Variants in RNF150 observed in about 807,000 individuals in gnomAD.
RNF150 encodes the protein ring finger protein 150.
Under a neutral mutation model 39.3 loss-of-function variants are expected in RNF150, and 24 were observed. That is an observed-to-expected ratio of 0.61 (90% CI 0.44 to 0.86). The LOEUF (loss-of-function observed/expected upper bound fraction) is 0.86. Ranked by LOEUF, RNF150 falls within the 40% of genes least tolerant of loss-of-function variation. RNF150 has a pLI of 0.00. For missense variants in RNF150, 502 were observed against 587.8 expected, an observed-to-expected ratio of 0.85 and a Z score of 1.51; for synonymous variants, 255 against 227.3, an observed-to-expected ratio of 1.12 and a Z score of -1.10.
chr4:141,156,736 A>AAG (rs1462219754), intron 1 of RNF150, among the ~76,000 whole-genome samples: 1 of 147,296 alleles, frequency 6.8e-6, no homozygotes, highest in Admixed American at 6.7e-5. Context: ...TCTACTACTA[A>AAG]AAAAAAAAAA....
rs1252778307 is a variant in RNF150, at chr4:140,865,815, G to A, written c.*2446C>T. ...GAAGAGAAAATACTCGTTAATCAGAGGACTAAACAATCCAAAGCGCATTCT... is the reference window on the plus strand; with the variant it reads ...GAAGAGAAAATACTCGTTAATCAGAAGACTAAACAATCCAAAGCGCATTCT... On this transcript the variant is annotated 3_prime_UTR_variant, in exon 7 of 7. Transcript: ENST00000515673. 6.6e-6 allele frequency: 1 copy of A among 152,412 alleles called. No homozygotes were observed. Among genetic ancestry groups the A allele is most frequent in the East Asian group, 1.9e-4 (1 of 5,190 alleles). The allele number at this position is 152,412 out of a possible 1,614,324, so 9.4% of individuals were successfully genotyped here.
intron 1 of RNF150, among the ~76,000 whole-genome samples, chr4:141,030,916 A>C (rs1735919193): frequency 6.6e-6 from 1 of 152,126 alleles, no homozygotes; most frequent in Non-Finnish European, 1.5e-5. Context: ...ACAGTATTAA[A>C]ATGTACACTT....
At chr4:140,909,490 C>G (rs1288242911) in intron 6 of RNF150, among the ~76,000 whole-genome samples, 1 of 151,918 alleles carries the variant, frequency 6.6e-6, no homozygotes, top group African/African-American at 2.4e-5. Context: ...ACTTCTTGAG[C>G]CACTTTATTT....
At chr4:140,932,412 TTC>T (rs1731683548) in intron 4 of RNF150, among the ~76,000 whole-genome samples, 1 of 152,208 alleles carries the variant, frequency 6.6e-6, no homozygotes, top group South Asian at 2.1e-4. Context: ...AAATTATTAT[TTC>T]TGTCTTATGG....
At chr4:140,881,758 G>T (rs1015591897) in intron 6 of RNF150, among the ~76,000 whole-genome samples, 3 of 152,084 alleles carry the variant, frequency 2.0e-5, no homozygotes, top group African/African-American at 7.2e-5. Flanking sequence ...ACATGTACCT[G>T]CAGTCCCAGC....
chr4:140,877,301 T>C (rs1179852253), intron 6 of RNF150, among the ~76,000 whole-genome samples: 2 of 149,970 alleles, frequency 1.3e-5, no homozygotes, highest in African/African-American at 4.9e-5. Context: ...CTAGTGCACA[T>C]TGTGTTGTCA....
At chr4:141,080,335 C>G (rs115491684) in intron 1 of RNF150, among the ~76,000 whole-genome samples, 1 of 152,140 alleles carries the variant, frequency 6.6e-6, no homozygotes. Context: ...TTTACAATGA[C>G]AAATACGAAA....
At chr4:141,018,925 G>GT (rs35243261) in intron 1 of RNF150, among the ~76,000 whole-genome samples, 23 of 151,262 alleles carry the variant, frequency 1.5e-4, no homozygotes, top group African/African-American at 5.1e-4. Context: ...TATTATACAG[G>GT]TTTTTTCCTA....
rs539231948 is a variant in RNF150 at position 141,002,246 on chromosome 4, AT to A, written c.485-34374del. ...ATGCTTTTTACCAGGGTTTTCCTAG[AT>A]TTTTTTTTTTTACTTGCAAAGTAGT... is the stretch of plus-strand genomic sequence containing the variant. On this transcript the variant is annotated intron_variant, in intron 1 of 6. Transcript: ENST00000515673. Among the ~76,000 whole-genome samples, 104 of 147,468 alleles carry A rather than the reference AT, an allele frequency of 7.1e-4. 1 individual carries two copies. The highest frequency in any genetic ancestry group is 7.6e-4 in the African/African-American group (31 of 40,580).
At chr4:141,139,594 C>T (rs1029149853) in intron 1 of RNF150, among the ~76,000 whole-genome samples, 1 of 152,190 alleles carries the variant, frequency 6.6e-6, no homozygotes, top group Non-Finnish European at 1.5e-5. Context: ...CCATAGAAGG[C>T]ATCAGTAAAT....
In RNF150 at chr4:140,918,188, A is replaced by G. The variant is rs191603399; in HGVS notation, c.988-6834T>C. Among the ~76,000 whole-genome samples, 1,278 of 152,232 alleles carry G rather than the reference A, an allele frequency of 8.4e-3. 25 individuals carry two copies. Among genetic ancestry groups the G allele is most frequent in the African/African-American group, 0.028 (1,165 of 41,506 alleles). Reference sequence around the variant, plus strand: ...CTAGCAGAAAGCAAGAAATAACTAAAATCAGAGCAGAACTGAAGGAAATAG... The same window carrying G: ...CTAGCAGAAAGCAAGAAATAACTAAGATCAGAGCAGAACTGAAGGAAATAG... On this transcript the variant is annotated intron_variant, in intron 5 of 6. Coordinates refer to ENST00000515673, the MANE Select transcript of RNF150 (RefSeq NM_020724.2).
At chr4:140,940,892 C>T (rs908089268) in intron 4 of RNF150, among the ~76,000 whole-genome samples, 8 of 152,154 alleles carry the variant, frequency 5.3e-5, no homozygotes, top group African/African-American at 1.7e-4. Flanking sequence ...TTTTGCTGTA[C>T]ACTGTTGCTC....
chr4:141,119,658 A>G (rs1726548085), intron 1 of RNF150, among the ~76,000 whole-genome samples: 1 of 152,220 alleles, frequency 6.6e-6, no homozygotes, highest in African/African-American at 2.4e-5. Context: ...CACTGGCGTG[A>G]TAATAGAAGA....
rs987635243 is a variant in RNF150 at position 141,053,616 on chromosome 4, T to G, written c.484+78709A>C. On this transcript the variant is annotated intron_variant, in intron 1 of 6. Transcript: ENST00000515673. ...GATTAGAAAGTTAAGGAAGATATCA[T>G]GGAAGTCATTAAACTGAGTGAAGCG... 4 of 830,440 alleles carry G rather than the reference T, an allele frequency of 4.8e-6. No homozygotes were observed. In the East Asian group the frequency reaches 1.0e-4, roughly 21 times the overall value. 51.4% of individuals were successfully genotyped at this position (830,440 alleles called of 1,614,324 possible). A position where few individuals can be genotyped will look rare whatever the true frequency, so the allele number is the denominator to read the frequency against.
At chr4:141,053,725 A>G (rs1159286436) in intron 1 of RNF150, 1 of 1,391,394 alleles carries the variant, frequency 7.2e-7, no homozygotes, top group Non-Finnish European at 9.3e-7. Context: ...ATGAGAAGAC[A>G]TTAAACCTGT....
intron 2 of RNF150, among the ~76,000 whole-genome samples, chr4:140,961,887 G>T (rs189493098): frequency 6.6e-6 from 1 of 152,104 alleles, no homozygotes; most frequent in African/African-American, 2.4e-5. Context: ...AGATAAACAT[G>T]CAAGCTAGAT....
At chr4:141,073,827 A>G (rs1483252709) in intron 1 of RNF150, among the ~76,000 whole-genome samples, 1 of 152,098 alleles carries the variant, frequency 6.6e-6, no homozygotes, top group Non-Finnish European at 1.5e-5. Flanking sequence ...CCTAAAACGC[A>G]AGGGATAAAG....
chr4:141,093,143 G>T (rs773614244), intron 1 of RNF150, among the ~76,000 whole-genome samples: 1 of 152,130 alleles, frequency 6.6e-6, no homozygotes, highest in Non-Finnish European at 1.5e-5. Context: ...AAGGCGGGTA[G>T]ATTACAAGGT....
At chr4:141,012,944 T>C (rs1310758263) in intron 1 of RNF150, among the ~76,000 whole-genome samples, 2 of 152,082 alleles carry the variant, frequency 1.3e-5, no homozygotes, top group African/African-American at 4.8e-5. Flanking sequence ...GTATTCATGC[T>C]CCCTAATTTT....
Sources: allele counts gnomAD v4.1 joint callset (sites outside exome capture counted in the v4.1 genomes callset), GRCh38; gene constraint gnomAD v4.1.1; transcripts MANE v1.5; gene names NCBI Gene and HGNC (gene_info 2026-07-23, HGNC 2026-07-21).